The following DLGAP2 variants were observed in gnomAD, a reference collection of about 807,000 sequenced individuals.
The protein encoded by DLGAP2 is disks large-associated protein 2.
In DLGAP2, 26 loss-of-function variants were observed where a neutral mutation model predicts 100.3. That is an observed-to-expected ratio of 0.26 (90% CI 0.19 to 0.36). The LOEUF is 0.36. Ranked by LOEUF, DLGAP2 falls within the 10% of genes least tolerant of loss-of-function variation. DLGAP2 has a pLI of 1.00. For missense variants in DLGAP2, 1,858 were observed against 1,453.2 expected (o/e 1.28, Z -4.53); for synonymous variants, 886 against 630.1 (o/e 1.41, Z -6.08).
At chr8:1,573,703 G>C (rs1212801276) in intron 6 of DLGAP2, among the ~76,000 whole-genome samples, 1 of 152,160 alleles carries the variant, frequency 6.6e-6, no homozygotes, top group Non-Finnish European at 1.5e-5. Flanking sequence ...GCAAGCAAGG[G>C]CCTGCCAAGG....
intron 8 of DLGAP2, among the ~76,000 whole-genome samples, chr8:1,638,109 TAGTACTTGCACCTGC>T (rs1218438746): frequency 6.6e-6 from 1 of 152,128 alleles, no homozygotes; most frequent in African/African-American, 2.4e-5. Context: ...GCTGCACCTG[TAGTACTTGCACCTGC>T]AGAATTCGGA....
At chr8:1,474,043 T>TCC (rs562810295) in intron 3 of DLGAP2, among the ~76,000 whole-genome samples, 1 of 151,960 alleles carries the variant, frequency 6.6e-6, no homozygotes, top group Non-Finnish European at 1.5e-5. Flanking sequence ...CTTCACCCCT[T>TCC]CCCCCCGAGT....
chr8:1,206,724 A>G (rs949024198), intron 2 of DLGAP2, among the ~76,000 whole-genome samples: 3 of 151,986 alleles, frequency 2.0e-5, no homozygotes, highest in African/African-American at 7.3e-5. Context: ...CACAGTCCTT[A>G]GCTGCGTCCT....
At chr8:987,641 C>T (rs1800526449) in intron 2 of DLGAP2, among the ~76,000 whole-genome samples, 1 of 152,198 alleles carries the variant, frequency 6.6e-6, no homozygotes, top group African/African-American at 2.4e-5. Context: ...GGTCTTACTG[C>T]AGCTCGTGGG....
chr8:1,201,086 A>T (rs1329776513), intron 2 of DLGAP2, among the ~76,000 whole-genome samples: 1 of 152,204 alleles, frequency 6.6e-6, no homozygotes, highest in Non-Finnish European at 1.5e-5. Context: ...AGAGACCAGC[A>T]CTGGGGAGGC....
intron 2 of DLGAP2, among the ~76,000 whole-genome samples, chr8:981,714 C>A (rs1800337284): frequency 6.6e-6 from 1 of 152,076 alleles, no homozygotes; most frequent in African/African-American, 2.4e-5. Flanking sequence ...TCCATTTGTT[C>A]ATCTTTGGAG....
intron 3 of DLGAP2, among the ~76,000 whole-genome samples, chr8:1,382,169 C>T (rs1796112653): frequency 6.6e-6 from 1 of 152,172 alleles, no homozygotes; most frequent in Non-Finnish European, 1.5e-5. Context: ...GTGTTTGTTA[C>T]ATGTATTACA....
At chr8:1,084,369 A>AT (rs1803905776) in intron 2 of DLGAP2, among the ~76,000 whole-genome samples, 1 of 152,236 alleles carries the variant, frequency 6.6e-6, no homozygotes, top group African/African-American at 2.4e-5. Flanking sequence ...TACCTCACAT[A>AT]TTTAACATTT....
intron 6 of DLGAP2, among the ~76,000 whole-genome samples, chr8:1,581,826 C>G (rs1803274750): frequency 6.6e-6 from 1 of 150,918 alleles, no homozygotes; most frequent in South Asian, 2.1e-4. Flanking sequence ...CACAGTCAAA[C>G]TACCAGAAGT....
At chr8:1,340,034 T>G (rs1801383599) in intron 3 of DLGAP2, among the ~76,000 whole-genome samples, 2 of 152,216 alleles carry the variant, frequency 1.3e-5, no homozygotes, top group South Asian at 4.1e-4. Context: ...CTGGGAGAAC[T>G]GGCAGGACGT....
intron 3 of DLGAP2, among the ~76,000 whole-genome samples, chr8:1,455,857 C>T (rs1036909107): frequency 3.3e-5 from 5 of 152,202 alleles, no homozygotes; most frequent in South Asian, 2.1e-4. Context: ...GACTCCAGGA[C>T]GGCAGGCGGT....
At chr8:1,031,896 A>G (rs1008431948) in intron 2 of DLGAP2, among the ~76,000 whole-genome samples, 2 of 152,188 alleles carry the variant, frequency 1.3e-5, no homozygotes, top group Non-Finnish European at 2.9e-5. Flanking sequence ...AGTCCATGCT[A>G]CGCTGGTCTC....
chr8:1,428,823 A>G lies in DLGAP2; in HGVS notation c.107-72543A>G, dbSNP rs572626951. 8.6e-4 allele frequency among the ~76,000 whole-genome samples: 131 copies of G among 152,342 alleles called. 2 individuals are homozygous for G. The Middle Eastern group carries it at 0.017, about 20-fold the overall frequency. On this transcript the variant is annotated intron_variant, in intron 3 of 14. Transcript: ENST00000637795. ...ACACCCACATGGGAGAGCCTTAAAC[A>G]AAATCTGGCATGCACGGTCTACATC... is the stretch of plus-strand genomic sequence containing the variant.
chr8:1,542,115 A>G (rs1801382755), intron 4 of DLGAP2, among the ~76,000 whole-genome samples: 1 of 152,258 alleles, frequency 6.6e-6, no homozygotes, highest in Non-Finnish European at 1.5e-5. Context: ...CCTAAATGTT[A>G]TGAAACAGAT....
chr8:1,630,832 C>T (rs368795114), intron 7 of DLGAP2, among the ~76,000 whole-genome samples: 31 of 152,184 alleles, frequency 2.0e-4, no homozygotes, highest in African/African-American at 7.5e-4. Context: ...CTTGGAACCT[C>T]AGTAGCTGCA....
intron 3 of DLGAP2, chr8:1,262,294 T>C (rs775795624): frequency 3.9e-5 from 6 of 152,236 alleles, no homozygotes; most frequent in Non-Finnish European, 8.8e-5. Context: ...ATGATCTCAA[T>C]ATGCAAATTA....
chr8:1,490,772 G>C (rs1026883993), intron 3 of DLGAP2, among the ~76,000 whole-genome samples: 4 of 151,958 alleles, frequency 2.6e-5, no homozygotes, highest in African/African-American at 9.7e-5. Flanking sequence ...TGAGGCCTGT[G>C]TCCTCCTAAA....
rs1361446705 is a variant in DLGAP2 at position 912,022 on chromosome 8, C to A, written c.73+4056C>A. On this transcript the variant is annotated intron_variant, in intron 2 of 14. Transcript: ENST00000637795. ...ATAATACATTCTTTTCTTTAGGCTG[C>A]ACAATTGGCGGGGTTCTGACTTCGG... Among the ~76,000 whole-genome samples the A allele has an allele frequency of 3.3e-5, 5 of 152,208 alleles. No individual in the cohort carries two copies. In the East Asian group the frequency reaches 9.6e-4, roughly 29 times the overall value.
chr8:1,420,698 A>G (rs1797066357), intron 3 of DLGAP2, among the ~76,000 whole-genome samples: 1 of 152,010 alleles, frequency 6.6e-6, no homozygotes, highest in Non-Finnish European at 1.5e-5. Context: ...ACTCCAACCC[A>G]GTAAAGCCAC....
Sources: allele counts gnomAD v4.1 joint callset (sites outside exome capture counted in the v4.1 genomes callset), GRCh38; gene constraint gnomAD v4.1.1; transcripts MANE v1.5; gene names NCBI Gene and HGNC (gene_info 2026-07-23, HGNC 2026-07-21).